The following UGT1A9 variants were observed in gnomAD, a reference collection of about 807,000 sequenced individuals.
The protein encoded by UGT1A9 is UDP glucuronosyltransferase family 1 member A9.
In UGT1A9, 35 loss-of-function variants were observed where a neutral mutation model predicts 45.0. The ratio of observed to expected loss-of-function variants is 0.78; its 90% CI spans 0.59 to 1.03. The LOEUF is 1.03. Among genes scored for constraint, UGT1A9 ranks in the 50% least tolerant of loss-of-function variants. The pLI is 0.00. For synonymous variants in UGT1A9, 278 were observed against 250.6 expected, an observed-to-expected ratio of 1.11 and a Z score of -1.03; for missense variants, 687 against 666.6, an observed-to-expected ratio of 1.03 and a Z score of -0.34.
intron 1 of UGT1A9, chr2:233,760,668 T>C: frequency 6.2e-7 from 1 of 1,614,252 alleles, no homozygotes; most frequent in Non-Finnish European, 8.5e-7. Context: ...TGTCTGGCTG[T>C]TCCCACTTAC....
At chr2:233,744,012 G>A (rs541267003) in intron 1 of UGT1A9, 46 of 1,089,708 alleles carry the variant, frequency 4.2e-5, no homozygotes, top group Non-Finnish European at 4.8e-5. Context: ...GACCTGGGCC[G>A]CCTGGAGAGA....
intron 1 of UGT1A9, among the ~76,000 whole-genome samples, chr2:233,737,663 G>A (rs918279158): frequency 3.9e-5 from 6 of 152,176 alleles, no homozygotes; most frequent in South Asian, 4.1e-4. Context: ...GCTGCAGATC[G>A]GAGCTGTTCC....
intron 1 of UGT1A9, among the ~76,000 whole-genome samples, chr2:233,709,618 G>A (rs1414884854): frequency 6.6e-6 from 1 of 152,156 alleles, no homozygotes; most frequent in Non-Finnish European, 1.5e-5. Flanking sequence ...AAATATAGGT[G>A]TTTTGCTGTG....
rs1201935304 is a variant in UGT1A9 at position 233,769,504 on chromosome 2, G to T, written c.1295+1065G>T. ...GCGTGTGTTTATGAGAGTGTCCATT[G>T]CTTTCTCCCATGGTTACCTCCTTTA... On this transcript the variant is annotated intron_variant, in intron 4 of 4. Transcript: ENST00000354728. This position sits in a 1 kb window ranked among gnomAD's most constrained non-coding sequence, Gnocchi z 4.4. The T allele has an allele frequency of 1.2e-6, 2 of 1,612,732 alleles. No homozygotes were observed. The highest frequency in any genetic ancestry group is 1.7e-4 in the Middle Eastern group (1 of 6,058).
At chr2:233,705,136 GAA>G (rs11336071) in intron 1 of UGT1A9, among the ~76,000 whole-genome samples, 35 of 142,664 alleles carry the variant, frequency 2.5e-4, no homozygotes, top group African/African-American at 2.6e-4. Flanking sequence ...GACTTCGTCT[GAA>G]AAAAAAAAAA....
At chr2:233,726,988 C>A (rs926323067) in intron 1 of UGT1A9, among the ~76,000 whole-genome samples, 1 of 152,120 alleles carries the variant, frequency 6.6e-6, no homozygotes, top group Non-Finnish European at 1.5e-5. Context: ...TGATGAGGTT[C>A]TTTCTAGCAA....
At chr2:233,709,846 T>C (rs1229123892) in intron 1 of UGT1A9, among the ~76,000 whole-genome samples, 1 of 152,204 alleles carries the variant, frequency 6.6e-6, no homozygotes, top group Non-Finnish European at 1.5e-5. Flanking sequence ...CATCACCACA[T>C]TCAAGACACG....
intron 1 of UGT1A9, 27 bp from the exon 2 acceptor site, chr2:233,767,007 A>T: frequency 6.2e-7 from 1 of 1,613,842 alleles, no homozygotes; most frequent in Non-Finnish European, 8.5e-7. Flanking sequence ...AGAAAAAATT[A>T]ACTGAAAATT....
At chr2:233,704,702 C>A (rs1232515090) in intron 1 of UGT1A9, among the ~76,000 whole-genome samples, 1 of 152,078 alleles carries the variant, frequency 6.6e-6, no homozygotes, top group African/African-American at 2.4e-5. Context: ...GGTATCATTT[C>A]TTAGCCCAAT....
At chr2:233,747,710 A>G (rs1208548533) in intron 1 of UGT1A9, 3 of 1,612,980 alleles carry the variant, frequency 1.9e-6, no homozygotes, top group Non-Finnish European at 1.7e-6. Flanking sequence ...AGTACCTATC[A>G]ATTCCTGCTG....
chr2:233,702,895 A>C (rs2075712942), intron 1 of UGT1A9, among the ~76,000 whole-genome samples: 1 of 152,172 alleles, frequency 6.6e-6, no homozygotes, highest in Non-Finnish European at 1.5e-5. Flanking sequence ...TCATATCCAT[A>C]AGAGATATTG....
At position 233,689,057 on chromosome 2, in the gene UGT1A9, A is replaced by T. The variant is rs192773385; in HGVS notation, c.855+16268A>T. ...TCCTACTTTATGTCTCTTCTGTATA[A>T]TCCCTTTGTCATGGCTTAACTTAGT... is the stretch of plus-strand genomic sequence containing the variant. On this transcript the variant is annotated intron_variant, in intron 1 of 4. Transcript: ENST00000354728. Among the ~76,000 whole-genome samples, 3 of 152,266 alleles carry T rather than the reference A, an allele frequency of 2.0e-5. No individual in the cohort carries two copies. In the East Asian group the frequency reaches 5.8e-4, roughly 29 times the overall value.
intron 1 of UGT1A9, among the ~76,000 whole-genome samples, chr2:233,724,174 C>A (rs2077183841): frequency 8.0e-6 from 1 of 125,722 alleles, no homozygotes; most frequent in South Asian, 2.8e-4. Flanking sequence ...ACCCCCCCAT[C>A]TCCCTCCCGG....
intron 1 of UGT1A9, among the ~76,000 whole-genome samples, chr2:233,758,359 C>A (rs1696853264): frequency 6.6e-6 from 1 of 152,198 alleles, no homozygotes; most frequent in Non-Finnish European, 1.5e-5. Flanking sequence ...GCAGGAAAGT[C>A]ATAAAATCAT....
At chr2:233,724,459 C>T (rs1289269804) in intron 1 of UGT1A9, among the ~76,000 whole-genome samples, 3 of 125,990 alleles carry the variant, frequency 2.4e-5, no homozygotes, top group Non-Finnish European at 3.3e-5. Flanking sequence ...AGCTGCCGGG[C>T]GGAGGGGCTC....
Position 233,772,929 on chromosome 2 carries a change from C to G in UGT1A9, c.*370C>G, listed in dbSNP as rs1186146273. On this transcript the variant is annotated 3_prime_UTR_variant, in exon 5 of 5. Transcript: ENST00000354728. ...CCCTACTGCAAATGGCAGTTTTAAT[C>G]TTATCTTTTGGCTTCTGCAGATGGT... is the stretch of plus-strand genomic sequence containing the variant. The G allele has an allele frequency of 2.8e-6, 1 of 355,154 alleles. No homozygotes were observed. The highest frequency in any genetic ancestry group is 4.3e-5 in the Admixed American group (1 of 23,230). 22.0% of individuals were successfully genotyped at this position (355,154 alleles called of 1,614,324 possible). A position where few individuals can be genotyped will look rare whatever the true frequency, so the allele number is the denominator to read the frequency against.
intron 1 of UGT1A9, among the ~76,000 whole-genome samples, chr2:233,740,328 TGAGA>T (rs1691367095): frequency 6.6e-6 from 1 of 151,900 alleles, no homozygotes; most frequent in Non-Finnish European, 1.5e-5. Flanking sequence ...CTGCATTTAT[TGAGA>T]AAGTTGATGA....
At chr2:233,732,949 A>G (rs1182362779) in intron 1 of UGT1A9, among the ~76,000 whole-genome samples, 5 of 152,116 alleles carry the variant, frequency 3.3e-5, no homozygotes, top group African/African-American at 1.2e-4. Flanking sequence ...TGAGCATGGA[A>G]TGTTCTTCCA....
Position 233,719,236 on chromosome 2 carries a change from G to C in UGT1A9, c.855+46447G>C, listed in dbSNP as rs766129715. The C allele has an allele frequency of 2.5e-5, 41 of 1,614,064 alleles. 1 individual carries two copies. The South Asian group carries it at 4.4e-4, about 17-fold the overall frequency. On this transcript the variant is annotated intron_variant, in intron 1 of 4. Transcript: ENST00000354728. ...CTACTGCATAATGAGGCCCTGATCA[G>C]GCACCTGAATGCTACTTCCTTTGAT...
Sources: allele counts gnomAD v4.1 joint callset (sites outside exome capture counted in the v4.1 genomes callset), GRCh38; gene constraint gnomAD v4.1.1; non-coding constraint Gnocchi (gnomAD v3.1); transcripts MANE v1.5; gene names NCBI Gene and HGNC (gene_info 2026-07-23, HGNC 2026-07-21).